CAMK1D: variants seen among roughly 807,000 people sequenced by gnomAD.
CAMK1D encodes calcium/calmodulin-dependent protein kinase type 1D.
In CAMK1D, 9 loss-of-function variants were observed where a neutral mutation model predicts 47.7. The observed-to-expected ratio is 0.19, with a 90% CI of 0.11 to 0.33. The LOEUF (loss-of-function observed/expected upper bound fraction) is 0.33, where lower values mean the gene tolerates loss of function less well. CAMK1D is among the 10% of genes least tolerant of loss of function. The pLI is 1.00. For missense variants in CAMK1D, 291 were observed against 488.7 expected (o/e 0.60, Z 3.81); for synonymous variants, 184 against 184.9 (o/e 0.99, Z 0.04).
chr10:12,546,845 T>G (rs1250487035), intron 1 of CAMK1D, among the ~76,000 whole-genome samples: 2 of 151,696 alleles, frequency 1.3e-5, no homozygotes, highest in Non-Finnish European at 2.9e-5. Flanking sequence ...CATTAGGAGA[T>G]ATACCTAATG....
At chr10:12,673,797 A>T (rs1224939497) in intron 3 of CAMK1D, among the ~76,000 whole-genome samples, 1 of 152,220 alleles carries the variant, frequency 6.6e-6, no homozygotes, top group Non-Finnish European at 1.5e-5. Flanking sequence ...AAAGCCCTGG[A>T]TATATCAGAA....
At chr10:12,727,977 G>A (rs564469574) in intron 3 of CAMK1D, among the ~76,000 whole-genome samples, 2 of 152,204 alleles carry the variant, frequency 1.3e-5, no homozygotes, top group East Asian at 3.9e-4. Context: ...TGCTGGCCGG[G>A]CTGGTCTCGG....
chr10:12,410,742 G>A (rs535324938), intron 1 of CAMK1D, among the ~76,000 whole-genome samples: 32 of 152,292 alleles, frequency 2.1e-4, no homozygotes, highest in African/African-American at 7.0e-4. Flanking sequence ...AATGACACAC[G>A]TTTAATGTTG....
intron 1 of CAMK1D, among the ~76,000 whole-genome samples, chr10:12,422,831 C>G (rs181926662): frequency 2.0e-5 from 3 of 152,074 alleles, no homozygotes; most frequent in Non-Finnish European, 4.4e-5. Flanking sequence ...TGCCACCATG[C>G]CTGGCTCATT....
At chr10:12,502,903 C>T (rs11257836) in intron 1 of CAMK1D, among the ~76,000 whole-genome samples, 10,809 of 152,274 alleles carry the variant, frequency 0.071, 438 homozygotes, top group East Asian at 0.15. Flanking sequence ...AGTTCACTGC[C>T]TTTGCCAGTC....
chr10:12,487,176 C>T (rs1238320678), intron 1 of CAMK1D, among the ~76,000 whole-genome samples: 3 of 152,146 alleles, frequency 2.0e-5, no homozygotes, highest in Non-Finnish European at 2.9e-5. Flanking sequence ...CTCCCATCCT[C>T]CACCCTGAAG....
In CAMK1D at chr10:12,655,197, C is replaced by T. The variant is rs1840085156; in HGVS notation, c.225-11539C>T. ...TTTTAGGGAGACCTCAGGAAACTTA[C>T]ACTCATGATGGAAGGCAAAGGGGGA... On this transcript the variant is annotated intron_variant, in intron 2 of 10. Coordinates refer to ENST00000619168, the MANE Select transcript of CAMK1D (RefSeq NM_153498.4). 2.0e-5 allele frequency among the ~76,000 whole-genome samples: 3 copies of T among 152,098 alleles called. No homozygotes were observed. The South Asian group carries it at 6.2e-4, about 31-fold the overall frequency.
rs989491078 is a variant in CAMK1D at position 12,383,363 on chromosome 10, G to A, written c.92+33453G>A. ...CAGGGAATGTCGAAGCAGGAAAATT[G>A]GTACAGAATTTCAGAACATGCTCAG... On this transcript the variant is annotated intron_variant, in intron 1 of 10. Transcript: ENST00000619168. Among the ~76,000 whole-genome samples the A allele has an allele frequency of 2.6e-5, 4 of 152,036 alleles. No homozygotes were observed. The East Asian group carries it at 7.7e-4, about 29-fold the overall frequency.
At chr10:12,371,766 A>C (rs1156741428) in intron 1 of CAMK1D, among the ~76,000 whole-genome samples, 1 of 151,874 alleles carries the variant, frequency 6.6e-6, no homozygotes, top group African/African-American at 2.4e-5. Context: ...CGTGGTGGTC[A>C]AGTGATTCTC....
intron 1 of CAMK1D, among the ~76,000 whole-genome samples, chr10:12,476,605 C>T (rs751843909): frequency 5.3e-5 from 8 of 152,078 alleles, no homozygotes; most frequent in South Asian, 2.1e-4. Flanking sequence ...CTTATCATGT[C>T]GAGATTTTTT....
At chr10:12,426,076 T>A (rs1231411643) in intron 1 of CAMK1D, among the ~76,000 whole-genome samples, 2 of 152,228 alleles carry the variant, frequency 1.3e-5, no homozygotes, top group African/African-American at 4.8e-5. Context: ...AGTGCACCGT[T>A]CATGATAAGC....
chr10:12,592,962 T>C (rs1234943157), intron 2 of CAMK1D, among the ~76,000 whole-genome samples: 1 of 152,198 alleles, frequency 6.6e-6, no homozygotes, highest in African/African-American at 2.4e-5. Context: ...TGTCACTTTC[T>C]CAGGGAAGTC....
At chr10:12,619,185 T>C (rs896088273) in intron 2 of CAMK1D, among the ~76,000 whole-genome samples, 2 of 152,272 alleles carry the variant, frequency 1.3e-5, no homozygotes, top group Non-Finnish European at 2.9e-5. Context: ...AGTAAACTGT[T>C]CCAATTTCAC....
chr10:12,540,087 C>A, intron 1 of CAMK1D, among the ~76,000 whole-genome samples: 1 of 150,256 alleles, frequency 6.7e-6, no homozygotes, highest in East Asian at 2.0e-4. Context: ...CTAATTTTTT[C>A]TTTTTTCTTT....
At chr10:12,571,444 A>G (rs1486396765) in intron 2 of CAMK1D, among the ~76,000 whole-genome samples, 3 of 108,268 alleles carry the variant, frequency 2.8e-5, no homozygotes, top group Non-Finnish European at 5.3e-5. Context: ...ACAGAGGGAG[A>G]CTCCATCACA....
In CAMK1D at chr10:12,816,347, T is replaced by G. The variant is rs943812634; in HGVS notation, c.833+19T>G. The stretch of plus-strand genomic sequence containing the variant: ...ACCCATGGTAAGGAAATGCACCCGC[T>G]CAGCAGACCGTGCCATTTAATGCCA... On this transcript the variant is annotated intron_variant, in intron 8 of 10. Coordinates refer to ENST00000619168, the MANE Select transcript of CAMK1D (RefSeq NM_153498.4). 7.5e-6 allele frequency: 12 copies of G among 1,607,938 alleles called. No individual in the cohort carries two copies. Among genetic ancestry groups the G allele is most frequent in the African/African-American group, 1.3e-5 (1 of 74,738 alleles).
chr10:12,708,133 C>T (rs1319542335), intron 3 of CAMK1D, among the ~76,000 whole-genome samples: 1 of 152,184 alleles, frequency 6.6e-6, no homozygotes, highest in African/African-American at 2.4e-5. Context: ...TAGTGCTGCA[C>T]ACACAGTGGT....
At chr10:12,765,469 A>C (rs1016252272) in intron 4 of CAMK1D, among the ~76,000 whole-genome samples, 2 of 152,168 alleles carry the variant, frequency 1.3e-5, no homozygotes, top group African/African-American at 4.8e-5. Context: ...GGACTTAGAC[A>C]TTGACAAAGG....
intron 6 of CAMK1D, among the ~76,000 whole-genome samples, chr10:12,791,588 A>G (rs1837980552): frequency 1.3e-5 from 2 of 152,154 alleles, no homozygotes. Flanking sequence ...CCATCCTTTG[A>G]TGTCAGGCAT....
Sources: allele counts gnomAD v4.1 joint callset (sites outside exome capture counted in the v4.1 genomes callset), GRCh38; gene constraint gnomAD v4.1.1; transcripts MANE v1.5; gene names NCBI Gene and HGNC (gene_info 2026-07-23, HGNC 2026-07-21).